The following CNGA1 variants were observed in gnomAD, a reference collection of about 807,000 sequenced individuals.
The protein encoded by CNGA1 is cyclic nucleotide-gated channel alpha-1.
CNGA1 carries 53 observed loss-of-function variants against 69.7 expected under a neutral mutation model. The observed-to-expected ratio is 0.76, with a 90% confidence interval of 0.61 to 0.96. The LOEUF (loss-of-function observed/expected upper bound fraction) is 0.96, where lower values mean the gene tolerates loss of function less well. Among genes scored for constraint, CNGA1 ranks in the 40% least tolerant of loss-of-function variants. The pLI is 0.00. For synonymous variants in CNGA1, 249 were observed against 283.5 expected (o/e 0.88, Z 1.22); for missense variants, 739 against 811.2 (o/e 0.91, Z 1.08).
chr4:47,986,339 G>A (rs1401351417), intron 2 of CNGA1, among the ~76,000 whole-genome samples: 2 of 151,868 alleles, frequency 1.3e-5, no homozygotes, highest in African/African-American at 2.4e-5. Context: ...CCCAGGAGGC[G>A]GAGTTGCAGT....
intron 2 of CNGA1, among the ~76,000 whole-genome samples, chr4:47,990,234 T>C (rs1366821290): frequency 6.6e-6 from 1 of 152,130 alleles, no homozygotes; most frequent in Non-Finnish European, 1.5e-5. Flanking sequence ...CAGCCATATT[T>C]TTCTTTCTGC....
intron 3 of CNGA1, among the ~76,000 whole-genome samples, chr4:47,979,320 CAAAAAAAA>C (rs10572642): frequency 8.5e-6 from 1 of 117,230 alleles, no homozygotes; most frequent in Non-Finnish European, 1.7e-5. Context: ...CACTCCATCT[CAAAAAAAA>C]AAAAAAAAAA....
At chr4:47,956,516 G>A (rs1290738806) in intron 3 of CNGA1, among the ~76,000 whole-genome samples, 3 of 152,222 alleles carry the variant, frequency 2.0e-5, no homozygotes, top group African/African-American at 4.8e-5. Flanking sequence ...CTATGGTTCA[G>A]CCTAGAGCCC....
rs1374201182 is a variant in CNGA1 at position 47,943,209 on chromosome 4, C to T, written c.409G>A (p.Glu137Lys). The T allele has an allele frequency of 1.9e-6, 3 of 1,607,302 alleles. No individual in the cohort carries two copies. The highest frequency in any genetic ancestry group is 2.5e-6 in the Non-Finnish European group (3 of 1,177,226). Reference sequence around the variant, plus strand: ...TCTTTCTTATCTTTGCTTTTCTCCTCTTTCTTTTTCTTCTCTTTGTCCTTT... The same window carrying T: ...TCTTTCTTATCTTTGCTTTTCTCCTTTTTCTTTTTCTTCTCTTTGTCCTTT... ...KKKDKEKKKK[E>K]EKSKDKKEEE... The change falls in exon 8 of 11, where the codon GAG becomes AAG. Residue 137 changes from glutamate (E) to lysine (K), a missense_variant. Coordinates refer to ENST00000514170, the MANE Select transcript of CNGA1 (RefSeq NM_001379270.1).
In CNGA1 at chr4:47,951,446, C is replaced by G. The variant is rs1739735236; in HGVS notation, c.131G>C (p.Ser44Thr). The G allele has an allele frequency of 6.2e-7, 1 of 1,612,922 alleles. No homozygotes were observed. Among genetic ancestry groups the G allele is most frequent in the Admixed American group, 1.7e-5 (1 of 60,002 alleles). Residue 44 changes from serine (S) to threonine (T), a missense_variant, in exon 5 of 11, where the codon AGT becomes ACT. Physicochemically the swap from Ser to Thr is moderately conservative, Grantham distance 58. Transcript: ENST00000514170. ...CTCTGATTCTTCAGATGTAGAGGCA[C>G]TGTCATCATCCTCAGAAAAGGAGCT... ...ACSSFSEDDD[S>T]ASTSEESENE... is the part of the protein sequence containing the mutation.
intron 1 of CNGA1, among the ~76,000 whole-genome samples, chr4:48,013,878 C>T (rs1298843878): frequency 6.6e-6 from 1 of 152,144 alleles, no homozygotes; most frequent in East Asian, 1.9e-4. Context: ...TTATTCCTTG[C>T]CCCAGAAACC....
chr4:47,987,083 T>C (rs1742009528), intron 2 of CNGA1, among the ~76,000 whole-genome samples: 1 of 147,936 alleles, frequency 6.8e-6, no homozygotes, highest in South Asian at 2.1e-4. Context: ...CTTTTCCGGG[T>C]ACCTGCAGTA....
At chr4:47,947,507 T>A (rs578136561) in intron 6 of CNGA1, among the ~76,000 whole-genome samples, 8 of 151,942 alleles carry the variant, frequency 5.3e-5, no homozygotes, top group Admixed American at 5.2e-4. Context: ...GAAACCCCAC[T>A]AAAAATACAA....
intron 3 of CNGA1, among the ~76,000 whole-genome samples, chr4:47,960,722 A>AC (rs35388419): frequency 0.53 from 79,732 of 151,730 alleles, 22,431 homozygotes; most frequent in Non-Finnish European, 0.63. Context: ...GTTTAAAAAA[A>AC]AATGAAATAC....
chr4:47,949,970 G>T, intron 5 of CNGA1, 75 bp from the exon 6 acceptor site: 2 of 1,316,346 alleles, frequency 1.5e-6, no homozygotes, highest in Non-Finnish European at 2.2e-6. Context: ...CAAATGGTCT[G>T]AAAAAACAAA....
At chr4:47,944,644 T>C (rs1319244109) in intron 6 of CNGA1, among the ~76,000 whole-genome samples, 1 of 152,224 alleles carries the variant, frequency 6.6e-6, no homozygotes, top group African/African-American at 2.4e-5. Context: ...CAGCTAATTA[T>C]GTTCCCAAAG....
intron 10 of CNGA1, among the ~76,000 whole-genome samples, chr4:47,939,839 G>A (rs775419601): frequency 2.0e-5 from 3 of 152,106 alleles, no homozygotes; most frequent in East Asian, 3.8e-4. Flanking sequence ...TCCTGAACAC[G>A]CTAGCAATGT....
intron 3 of CNGA1, chr4:47,970,782 T>G (rs771036910): frequency 9.8e-6 from 4 of 407,280 alleles, no homozygotes; most frequent in Non-Finnish European, 1.5e-5. Context: ...TTGTTATTTT[T>G]ATATTTTATA....
intron 3 of CNGA1, among the ~76,000 whole-genome samples, chr4:47,965,226 G>A (rs1740657839): frequency 6.6e-6 from 1 of 152,048 alleles, no homozygotes; most frequent in African/African-American, 2.4e-5. Context: ...ATTAGTTTGA[G>A]GTAGATGTTT....
chr4:47,986,624 C>A (rs1172444550), intron 2 of CNGA1, among the ~76,000 whole-genome samples: 1 of 151,910 alleles, frequency 6.6e-6, no homozygotes, highest in Admixed American at 6.6e-5. Flanking sequence ...AATGTTTGTA[C>A]ATTCATTTCA....
intron 2 of CNGA1, among the ~76,000 whole-genome samples, chr4:47,991,959 T>G (rs1282469755): frequency 2.0e-5 from 3 of 152,098 alleles, no homozygotes; most frequent in Admixed American, 2.0e-4. Context: ...TTTGCTTTGT[T>G]GAAGATCAGT....
chr4:47,996,258 C>T (rs1742474123), intron 2 of CNGA1, among the ~76,000 whole-genome samples: 1 of 152,126 alleles, frequency 6.6e-6, no homozygotes. Context: ...CAGCCCTCAG[C>T]ATGATTGGGG....
chr4:47,937,336 C>A lies in CNGA1; in HGVS notation c.1146G>T (p.Val382=), dbSNP rs1188937519. 6 of 1,613,938 alleles carry A rather than the reference C, an allele frequency of 3.7e-6. No homozygotes were observed. The highest frequency in any genetic ancestry group is 4.2e-6 in the Non-Finnish European group (5 of 1,180,032). ...VFVVVDFLIG[V]LIFATIVGNI... ...TACCAACGATGGTAGCAAAAATTAA[C>A]ACTCCAATTAGGAAATCAACCACCA... is the stretch of plus-strand genomic sequence containing the variant. Residue 382 remains valine (V), a synonymous_variant, in exon 11 of 11, where the codon GTG becomes GTT. Coordinates refer to ENST00000514170, the MANE Select transcript of CNGA1 (RefSeq NM_001379270.1).
At chr4:47,997,178 T>C (rs535504565) in intron 2 of CNGA1, among the ~76,000 whole-genome samples, 5 of 152,190 alleles carry the variant, frequency 3.3e-5, no homozygotes, top group Admixed American at 1.3e-4. Flanking sequence ...TTATTACCCT[T>C]CCCCAAAACT....
Sources: allele counts gnomAD v4.1 joint callset (sites outside exome capture counted in the v4.1 genomes callset), GRCh38; gene constraint gnomAD v4.1.1; transcripts MANE v1.5; gene names NCBI Gene and HGNC (gene_info 2026-07-23, HGNC 2026-07-21).